FRMD8: variants seen among roughly 807,000 people sequenced by gnomAD.
The protein encoded by FRMD8 is FERM domain containing 8.
Under a neutral mutation model 54.2 loss-of-function variants are expected in FRMD8, and 37 were observed. The ratio of observed to expected loss-of-function variants is 0.68; its 90% confidence interval spans 0.53 to 0.90. The LOEUF (loss-of-function observed/expected upper bound fraction) is 0.90, where lower values mean the gene tolerates loss of function less well. Ranked by LOEUF, FRMD8 falls within the 40% of genes least tolerant of loss-of-function variation. The pLI, the probability that FRMD8 is intolerant of heterozygous loss-of-function variation, is 0.00. For missense variants in FRMD8, 585 were observed against 653.7 expected (o/e 0.89, Z 1.15); for synonymous variants, 246 against 286.9 (o/e 0.86, Z 1.44).
chr11:65,404,913 C>T lies in FRMD8; in HGVS notation c.1121C>T (p.Ala374Val), dbSNP rs780987499. ...GAGTACTGCATCGAACTGAGCCAGG[C>T]GGCGGAGCCCGCAGGCCCCCAGGAC... The part of the protein sequence containing the change: ...LIEYCIELSQ[A>V]AEPAGPQDSA... Residue 374 changes from alanine to valine, a missense_variant, in exon 10 of 11, where the codon GCG becomes GTG. By Grantham distance (64) the Ala-to-Val change is moderately conservative (BLOSUM62 0). Transcript: ENST00000317568. The surrounding 1 kb of genome is among the most constrained non-coding windows in gnomAD (Gnocchi z 4.7). 193 of 1,613,170 alleles carry T rather than the reference C, an allele frequency of 1.2e-4. 1 individual carries two copies. The highest frequency in any genetic ancestry group is 4.6e-4 in the South Asian group (42 of 91,082).
intron 2 of FRMD8, 103 bp downstream of exon 2, chr11:65,387,224 C>A: frequency 1.0e-6 from 1 of 973,360 alleles, no homozygotes; most frequent in Non-Finnish European, 1.6e-6. Flanking sequence ...ATTTATGTAT[C>A]GACTAAGAAA....
chr11:65,406,896 C>T (rs906722116), intron 10 of FRMD8, among the ~76,000 whole-genome samples: 6 of 151,742 alleles, frequency 4.0e-5, no homozygotes, highest in South Asian at 2.1e-4. Context: ...GCCAAAATCA[C>T]GCCACTGCAC....
the FRMD8 span, chr11:65,375,817 C>T: frequency 6.5e-6 from 1 of 153,816 alleles, no homozygotes; most frequent in African/African-American, 2.4e-5. Flanking sequence ...AATCCCAGCA[C>T]TTTGAGAGGC....
At chr11:65,386,988 C>A (rs746217293) in intron 1 of FRMD8, 49 bp from the exon 2 acceptor site, 1 of 1,522,182 alleles carries the variant, frequency 6.6e-7, no homozygotes, top group Middle Eastern at 2.2e-4. Context: ...AGACCTCCAG[C>A]CCCCCATCCC....
chr11:65,379,301 G>A, the FRMD8 span: 3 of 1,551,886 alleles, frequency 1.9e-6, no homozygotes, highest in Non-Finnish European at 1.8e-6. Context: ...TGGGTCGCCA[G>A]GGCAGGGTGG....
chr11:65,405,089 T>G, intron 10 of FRMD8, 21 bp downstream of exon 10: 1 of 1,609,296 alleles, frequency 6.2e-7, no homozygotes, highest in Non-Finnish European at 8.5e-7. Flanking sequence ...CTTCTGTGCA[T>G]GTGCACACAC....
chr11:65,407,095 T>A (rs910676340), intron 10 of FRMD8, among the ~76,000 whole-genome samples: 8 of 152,176 alleles, frequency 5.3e-5, no homozygotes, highest in Admixed American at 1.3e-4. Flanking sequence ...TTAGCTCTGA[T>A]GTGGTGACAG....
At position 65,393,556 on chromosome 11, in the gene FRMD8, C is replaced by T; in HGVS notation, c.254-17C>T. 7.5e-6 allele frequency: 12 copies of T among 1,599,704 alleles called. No individual in the cohort carries two copies. The highest frequency in any genetic ancestry group is 9.4e-6 in the Non-Finnish European group (11 of 1,174,374). On this transcript the variant is annotated splice_polypyrimidine_tract_variant and intron_variant, in intron 3 of 10. Coordinates refer to ENST00000317568, the MANE Select transcript of FRMD8 (RefSeq NM_031904.5). ...TGGCCGGAGGCTGCATGGGCCACTCCCCATCTCGTCCTGCAGAGGTGCAGC... is the reference window on the plus strand; with the variant it reads ...TGGCCGGAGGCTGCATGGGCCACTCTCCATCTCGTCCTGCAGAGGTGCAGC...
chr11:65,372,537 A>G, the FRMD8 span, among the ~76,000 whole-genome samples: 5 of 152,172 alleles, frequency 3.3e-5, no homozygotes, highest in Admixed American at 3.3e-4. Flanking sequence ...ATAGAACCAG[A>G]GAGGGAGAAT....
At chr11:65,380,849 G>C in the FRMD8 span, 1 of 308,290 alleles carries the variant, frequency 3.2e-6, no homozygotes, top group Non-Finnish European at 6.5e-6. Context: ...CTCAGGGCCC[G>C]GGACTGCGGC....
the FRMD8 span, chr11:65,376,191 G>C: frequency 3.3e-6 from 2 of 609,514 alleles, no homozygotes; most frequent in Non-Finnish European, 5.8e-6. Flanking sequence ...GGAGGCAAAG[G>C]AGTCAAGGCC....
Position 65,389,240 on chromosome 11 carries a change from C to T in FRMD8, c.86-121C>T, listed in dbSNP as rs1453325332. On this transcript the variant is annotated intron_variant, in intron 2 of 10. Transcript: ENST00000317568. ...TCTGTCTCAGGAGCGTAGCCCTGGT[C>T]ACCCCTGAGGGGTGTAGGGTGGGGG... 3 of 895,916 alleles carry T rather than the reference C, an allele frequency of 3.3e-6. No individual in the cohort carries two copies. In the East Asian group the frequency reaches 7.2e-5, roughly 22 times the overall value. 55.5% of individuals were successfully genotyped at this position (895,916 alleles called of 1,614,324 possible).
At position 65,400,433 on chromosome 11, in the gene FRMD8, T is replaced by C. The variant is rs547728542; in HGVS notation, c.928-291T>C. On this transcript the variant is annotated intron_variant, in intron 8 of 10. Coordinates refer to ENST00000317568, the MANE Select transcript of FRMD8 (RefSeq NM_031904.5). This position sits in a 1 kb window ranked among gnomAD's most constrained non-coding sequence, Gnocchi z 4.3. ...ATGCTAGATGCCACGCCCGACCTCATAGAAGAGACTCCGCTTCCCCACCTG... is the reference window on the plus strand; with the variant it reads ...ATGCTAGATGCCACGCCCGACCTCACAGAAGAGACTCCGCTTCCCCACCTG... Among the ~76,000 whole-genome samples the C allele has an allele frequency of 9.2e-5, 14 of 152,184 alleles. No individual in the cohort carries two copies. The East Asian group carries it at 2.3e-3, about 25-fold the overall frequency.
At chr11:65,389,248 A>G (rs1383660168) in intron 2 of FRMD8, 113 bp from the exon 3 acceptor site, 7 of 991,214 alleles carry the variant, frequency 7.1e-6, no homozygotes, top group Non-Finnish European at 1.1e-5. Context: ...GTCACCCCTG[A>G]GGGGTGTAGG....
At chr11:65,399,615 C>T in intron 7 of FRMD8, 121 bp from the exon 8 acceptor site, 1 of 1,219,112 alleles carries the variant, frequency 8.2e-7, no homozygotes, top group Non-Finnish European at 1.1e-6. Context: ...TTCTCCCTTC[C>T]CTGGGGCGGG....
At chr11:65,394,476 C>T (rs760936039) in intron 6 of FRMD8, 51 bp downstream of exon 6, 1 of 1,529,016 alleles carries the variant, frequency 6.5e-7, no homozygotes. Flanking sequence ...GGAGTTTGTC[C>T]TTGGAATGGA....
chr11:65,388,174 A>G (rs1855771146), intron 2 of FRMD8, among the ~76,000 whole-genome samples: 1 of 152,084 alleles, frequency 6.6e-6, no homozygotes, highest in African/African-American at 2.4e-5. Context: ...CAAAAAAAAA[A>G]AAAAACAGGG....
At chr11:65,399,617 T>C in intron 7 of FRMD8, 119 bp from the exon 8 acceptor site, 1 of 1,232,244 alleles carries the variant, frequency 8.1e-7, no homozygotes, top group African/African-American at 1.5e-5. Flanking sequence ...CTCCCTTCCC[T>C]GGGGCGGGTT....
At chr11:65,387,412 C>A (rs555734062) in intron 2 of FRMD8, among the ~76,000 whole-genome samples, 1 of 152,296 alleles carries the variant, frequency 6.6e-6, no homozygotes, top group East Asian at 1.9e-4. Flanking sequence ...TGCTTGTAAT[C>A]CCAGAACTTT....
Sources: allele counts gnomAD v4.1 joint callset (sites outside exome capture counted in the v4.1 genomes callset), GRCh38; gene constraint gnomAD v4.1.1; non-coding constraint Gnocchi (gnomAD v3.1); transcripts MANE v1.5; gene names NCBI Gene and HGNC (gene_info 2026-07-23, HGNC 2026-07-21).